The following SECISBP2L variants were observed in gnomAD, a reference collection of about 807,000 sequenced individuals.
The protein encoded by SECISBP2L is selenocysteine insertion sequence-binding protein 2-like.
A neutral mutation model predicts 114.7 loss-of-function variants in SECISBP2L; 43 were observed. The observed-to-expected ratio is 0.38, with a 90% CI of 0.29 to 0.48. The LOEUF (loss-of-function observed/expected upper bound fraction) is 0.48, where lower values mean the gene tolerates loss of function less well. Among genes scored for constraint, SECISBP2L ranks in the 20% least tolerant of loss-of-function variants. The probability of loss-of-function intolerance (pLI) is 0.98; values close to 1 mark genes in which losing one functional copy is unlikely to be tolerated. For missense variants in SECISBP2L, 1,136 were observed against 1,301.1 expected (o/e 0.87, Z 1.95); for synonymous variants, 451 against 439.7 (o/e 1.03, Z -0.32).
At chr15:49,037,503 TA>T in intron 2 of SECISBP2L, 87 bp downstream of exon 2, 2 of 1,211,210 alleles carry the variant, frequency 1.7e-6, no homozygotes, top group South Asian at 2.9e-5. Context: ...GGTTAAAGTC[TA>T]AAAGTTGCAA....
At chr15:49,027,584 G>T in intron 6 of SECISBP2L, 104 bp from the exon 7 acceptor site, 6 of 557,142 alleles carry the variant, frequency 1.1e-5, no homozygotes, top group South Asian at 3.4e-5. Context: ...AAATGTAATA[G>T]TGAAAATTTT....
chr15:49,045,325 AT>A (rs1213116052), intron 1 of SECISBP2L, among the ~76,000 whole-genome samples: 1 of 152,224 alleles, frequency 6.6e-6, no homozygotes, highest in East Asian at 1.9e-4. Context: ...TATCTCATTA[AT>A]TCAGGTGCTA....
At chr15:49,039,619 C>T (rs1362186830) in intron 1 of SECISBP2L, among the ~76,000 whole-genome samples, 1 of 150,448 alleles carries the variant, frequency 6.6e-6, no homozygotes, top group African/African-American at 2.5e-5. Flanking sequence ...ATTGCAGCCT[C>T]AATCTCCTGG....
intron 5 of SECISBP2L, 60 bp from the exon 6 acceptor site, chr15:49,028,228 G>C (rs1190595293): frequency 3.1e-5 from 44 of 1,417,180 alleles, no homozygotes; most frequent in Non-Finnish European, 3.5e-5. Context: ...TATGTACTTT[G>C]CTAAATGTTT....
intron 9 of SECISBP2L, 64 bp from the exon 10 acceptor site, chr15:49,017,079 G>A: frequency 6.6e-7 from 1 of 1,524,842 alleles, no homozygotes; most frequent in South Asian, 1.2e-5. Context: ...AAGGAAAAAG[G>A]ATCCAGAATG....
chr15:49,025,930 CTTT>C (rs1165953548), intron 7 of SECISBP2L, among the ~76,000 whole-genome samples: 1 of 152,154 alleles, frequency 6.6e-6, no homozygotes, highest in Admixed American at 6.5e-5. Flanking sequence ...TGCCTCTCTT[CTTT>C]ATTGCAGCAT....
chr15:49,042,783 A>T (rs1377085376), intron 1 of SECISBP2L: 1 of 152,250 alleles, frequency 6.6e-6, no homozygotes. Context: ...TAATCCCAGC[A>T]CTTTGGGAGG....
intron 14 of SECISBP2L, among the ~76,000 whole-genome samples, chr15:49,006,266 T>C (rs1010794619): frequency 2.0e-5 from 3 of 152,192 alleles, no homozygotes; most frequent in African/African-American, 7.2e-5. Flanking sequence ...TGGTGTTCTC[T>C]GTATTACCTG....
At chr15:49,011,305 T>C (rs1347862670) in intron 13 of SECISBP2L, among the ~76,000 whole-genome samples, 2 of 152,222 alleles carry the variant, frequency 1.3e-5, no homozygotes, top group African/African-American at 4.8e-5. Context: ...TGCAATTGCA[T>C]TCATTGTGAC....
intron 4 of SECISBP2L, among the ~76,000 whole-genome samples, chr15:49,032,029 C>T (rs946822878): frequency 2.6e-5 from 4 of 152,200 alleles, no homozygotes; most frequent in Admixed American, 2.6e-4. Context: ...GTACTATCAA[C>T]AAGGCTTTTA....
intron 5 of SECISBP2L, 56 bp downstream of exon 5, chr15:49,028,397 A>G: frequency 6.5e-7 from 1 of 1,529,530 alleles, no homozygotes; most frequent in Non-Finnish European, 9.0e-7. Context: ...CAGAGGATGC[A>G]AAATAATAAT....
At chr15:49,011,564 C>T in intron 13 of SECISBP2L, 167 bp downstream of exon 13, 1 of 729,720 alleles carries the variant, frequency 1.4e-6, no homozygotes, top group Non-Finnish European at 2.2e-6. Flanking sequence ...CTTTAACCAT[C>T]TCCCTACAAA....
chr15:49,031,061 C>CTTTTTTTT (rs1566861328), intron 4 of SECISBP2L, among the ~76,000 whole-genome samples: 6 of 77,040 alleles, frequency 7.8e-5, no homozygotes, highest in Non-Finnish European at 8.8e-5. Context: ...TTTTTTTTTT[C>CTTTTTTTT]CCTTTTGAGA....
chr15:49,005,033 A>C (rs1454469523), intron 14 of SECISBP2L, among the ~76,000 whole-genome samples: 2 of 152,152 alleles, frequency 1.3e-5, no homozygotes, highest in Non-Finnish European at 2.9e-5. Context: ...TGGGGTGTTA[A>C]AGTCTCCCAC....
chr15:49,033,720 T>C (rs1279738029), intron 3 of SECISBP2L, among the ~76,000 whole-genome samples: 1 of 152,030 alleles, frequency 6.6e-6, no homozygotes, highest in African/African-American at 2.4e-5. Flanking sequence ...TAGTCTTAGC[T>C]ACCCAGGAAG....
At chr15:48,995,389 T>C (rs1300049035) in intron 17 of SECISBP2L, among the ~76,000 whole-genome samples, 3 of 152,196 alleles carry the variant, frequency 2.0e-5, no homozygotes, top group Non-Finnish European at 4.4e-5. Context: ...AGCTTGTTAA[T>C]TGCCTCTGCT....
intron 14 of SECISBP2L, among the ~76,000 whole-genome samples, chr15:49,005,560 CTTTTTTTTTT>C (rs752466722): frequency 5.4e-5 from 2 of 36,746 alleles, no homozygotes; most frequent in African/African-American, 1.3e-4. Flanking sequence ...GCAACCCCTG[CTTTTTTTTTT>C]TTTTTTTTTT....
chr15:48,996,683 G>GAC (rs5812470), intron 16 of SECISBP2L, 97 bp from the exon 17 acceptor site: 742,031 of 1,011,444 alleles, frequency 0.73, 278,452 homozygotes, highest in Middle Eastern at 0.77. Flanking sequence ...TTCAGGGTCA[G>GAC]ACACTTTCAA....
chr15:48,992,614 G>T lies in SECISBP2L; in HGVS notation c.2936C>A (p.Thr979Asn). The T allele has an allele frequency of 6.2e-7, 1 of 1,614,120 alleles. No homozygotes were observed. Residue 979 changes from threonine to asparagine, a missense_variant, in exon 18 of 18, where the codon ACC (threonine) becomes AAC (asparagine). Around this residue, in one of 2 missense-constraint regions of SECISBP2L, gnomAD observed 684 missense variants for 848.7 expected, o/e 0.81. Coordinates refer to ENST00000559471, the MANE Select transcript of SECISBP2L (RefSeq NM_001193489.2). ...RDLLNSSITS[T>N]TSTLVPGMLE... is the part of the protein sequence containing the mutation. The stretch of plus-strand genomic sequence containing the variant: ...CATGCCAGGTACAAGAGTGCTGGTG[G>T]TGCTGGTGATGGAGGAATTCAAAAG...
Sources: gnomAD v4.1 joint callset for allele counts (sites outside exome capture counted in the v4.1 genomes callset) on GRCh38, gnomAD v4.1.1 for gene constraint, gnomAD v4.1.1 regional missense constraint, MANE v1.5 for transcripts, NCBI Gene and HGNC (gene_info 2026-07-23, HGNC 2026-07-21) for gene names.